DCLK1: variants seen among roughly 807,000 people sequenced by gnomAD.
The protein encoded by DCLK1 is doublecortin like kinase 1, also known as serine/threonine-protein kinase DCLK1.
A neutral mutation model predicts 86.2 loss-of-function variants in DCLK1; 16 were observed. The observed-to-expected ratio is 0.19, with a 90% CI of 0.13 to 0.28. The LOEUF is 0.28. Ranked by LOEUF, DCLK1 falls within the 10% of genes least tolerant of loss-of-function variation. The probability of loss-of-function intolerance (pLI) is 1.00; values close to 1 mark genes in which losing one functional copy is unlikely to be tolerated. For synonymous variants in DCLK1, 369 were observed against 370.5 expected (o/e 1.00, Z 0.05); for missense variants, 590 against 940.2 (o/e 0.63, Z 4.87).
chr13:35,908,371 T>C (rs1372212757), intron 4 of DCLK1, among the ~76,000 whole-genome samples: 5 of 152,160 alleles, frequency 3.3e-5, no homozygotes, highest in African/African-American at 1.2e-4. Flanking sequence ...TCAAATTAAG[T>C]AGGAGAAAAT....
intron 4 of DCLK1, among the ~76,000 whole-genome samples, chr13:35,935,167 C>G (rs1254833945): frequency 1.3e-5 from 2 of 151,982 alleles, no homozygotes; most frequent in Non-Finnish European, 2.9e-5. Context: ...TTTTGGGAGA[C>G]CAACAAATAA....
intron 4 of DCLK1, among the ~76,000 whole-genome samples, chr13:35,919,560 G>A (rs767487417): frequency 1.2e-4 from 18 of 152,124 alleles, no homozygotes; most frequent in Non-Finnish European, 1.9e-4. Context: ...CCCAGAGAAC[G>A]CTGAACAGTT....
chr13:35,983,567 T>A (rs1473372083), intron 3 of DCLK1, among the ~76,000 whole-genome samples: 1 of 152,174 alleles, frequency 6.6e-6, no homozygotes, highest in African/African-American at 2.4e-5. Context: ...GTGACTATAG[T>A]CAATAATAAC....
chr13:35,883,586 T>C (rs1873047355), intron 4 of DCLK1, among the ~76,000 whole-genome samples: 1 of 152,170 alleles, frequency 6.6e-6, no homozygotes, highest in Non-Finnish European at 1.5e-5. Flanking sequence ...AAGTATTCCT[T>C]TATAGCAACA....
chr13:36,001,736 C>T (rs538888343), intron 3 of DCLK1, among the ~76,000 whole-genome samples: 1 of 152,230 alleles, frequency 6.6e-6, no homozygotes, highest in African/African-American at 2.4e-5. Context: ...AATCTCTAAA[C>T]AAAGGTTTCC....
intron 3 of DCLK1, among the ~76,000 whole-genome samples, chr13:35,999,237 A>G (rs747789405): frequency 1.1e-4 from 16 of 147,846 alleles, no homozygotes; most frequent in Middle Eastern, 3.4e-3. Context: ...CCTGGGCAAC[A>G]GAGCAAGAAT....
chr13:36,083,432 C>A (rs1366998506), intron 3 of DCLK1, among the ~76,000 whole-genome samples: 2 of 152,220 alleles, frequency 1.3e-5, no homozygotes, highest in Non-Finnish European at 2.9e-5. Context: ...GCCTGTCGAA[C>A]AAATGGGATG....
intron 2 of DCLK1, among the ~76,000 whole-genome samples, chr13:36,125,536 T>C (rs1162049770): frequency 6.6e-6 from 1 of 152,214 alleles, no homozygotes; most frequent in Admixed American, 6.5e-5. Context: ...GCTGTAGAAT[T>C]AGGGACTTTT....
chr13:35,949,191 A>G (rs956929587), intron 3 of DCLK1, among the ~76,000 whole-genome samples: 3 of 152,240 alleles, frequency 2.0e-5, no homozygotes, highest in Non-Finnish European at 4.4e-5. Flanking sequence ...TGCAAAAGAG[A>G]GTTCTAAAGC....
intron 3 of DCLK1, among the ~76,000 whole-genome samples, chr13:35,949,658 C>T (rs17053227): frequency 0.03 from 4,602 of 152,222 alleles, 220 homozygotes; most frequent in African/African-American, 0.1. Context: ...TCCTACTCAT[C>T]GGTGTGTGCA....
intron 5 of DCLK1, among the ~76,000 whole-genome samples, chr13:35,859,666 T>A: frequency 7.7e-6 from 1 of 130,686 alleles, no homozygotes; most frequent in Non-Finnish European, 1.8e-5. Flanking sequence ...GTGAACCAAC[T>A]CTTCTTCACT....
intron 3 of DCLK1, among the ~76,000 whole-genome samples, chr13:36,049,388 C>A (rs1883048705): frequency 6.6e-6 from 1 of 152,164 alleles, no homozygotes; most frequent in Admixed American, 6.5e-5. Flanking sequence ...TTTCAGGAGA[C>A]ATTTAATGCA....
intron 3 of DCLK1, among the ~76,000 whole-genome samples, chr13:35,995,857 A>G (rs1422727126): frequency 1.3e-5 from 2 of 152,226 alleles, no homozygotes; most frequent in Non-Finnish European, 2.9e-5. Flanking sequence ...CAATAAGATT[A>G]CAACAGTTTT....
chr13:35,783,751 A>T (rs886840757), intron 16 of DCLK1, among the ~76,000 whole-genome samples: 9 of 151,832 alleles, frequency 5.9e-5, no homozygotes, highest in Non-Finnish European at 4.4e-5. Flanking sequence ...TGCCCAGCTA[A>T]TTTTTTGTAT....
Position 35,801,506 on chromosome 13 carries a change from T to TA in DCLK1, c.1944+4192_1944+4193insT, listed in dbSNP as rs550965804. Among the ~76,000 whole-genome samples, 199 of 25,572 alleles carry TA rather than the reference T, an allele frequency of 7.8e-3. No individual in the cohort carries two copies. In the African/African-American group the frequency reaches 0.18, roughly 23 times the overall value. The allele number at this position is 25,572 out of a possible 152,430, so 16.8% of individuals were successfully genotyped here. On this transcript the variant is annotated intron_variant, in intron 15 of 16. Coordinates refer to ENST00000360631, the MANE Select transcript of DCLK1 (RefSeq NM_001330071.2). ...GTCTGTTTGAATTACAGAAAGGGTA[T>TA]TTTTTTTTTAGTTTTCGATCTCCTA...
chr13:36,078,441 T>G (rs1023711970), intron 3 of DCLK1, among the ~76,000 whole-genome samples: 1 of 152,214 alleles, frequency 6.6e-6, no homozygotes, highest in Non-Finnish European at 1.5e-5. Context: ...AAGCCCTTGA[T>G]GATCTGTTAT....
rs78544508 is a variant in DCLK1 at position 36,043,095 on chromosome 13, T to C, written c.723+68774A>G. Among the ~76,000 whole-genome samples the C allele has an allele frequency of 3.3e-3, 506 of 152,282 alleles. 14 individuals are homozygous for C. In the East Asian group the frequency reaches 0.079, roughly 24 times the overall value. On this transcript the variant is annotated intron_variant, in intron 3 of 16. Coordinates refer to ENST00000360631, the MANE Select transcript of DCLK1 (RefSeq NM_001330071.2). Reference sequence around the variant, plus strand: ...GCAGTTAAAATAAGAAAGCCATTAATTCTTTAAAAAAATTCTTGAACTTCC... The same window carrying C: ...GCAGTTAAAATAAGAAAGCCATTAACTCTTTAAAAAAATTCTTGAACTTCC...
At chr13:36,044,515 T>C (rs1403641059) in intron 3 of DCLK1, among the ~76,000 whole-genome samples, 1 of 152,194 alleles carries the variant, frequency 6.6e-6, no homozygotes, top group Non-Finnish European at 1.5e-5. Context: ...CTGATACATT[T>C]AAGAATATGG....
chr13:35,796,041 G>A (rs1437049568), intron 15 of DCLK1, among the ~76,000 whole-genome samples: 2 of 151,744 alleles, frequency 1.3e-5, no homozygotes, highest in African/African-American at 4.8e-5. Context: ...TAGAATTTTT[G>A]ACAGTTTTTC....
Sources: gnomAD v4.1 joint callset for allele counts (sites outside exome capture counted in the v4.1 genomes callset) on GRCh38, gnomAD v4.1.1 for gene constraint, MANE v1.5 for transcripts, NCBI Gene and HGNC (gene_info 2026-07-23, HGNC 2026-07-21) for gene names.